Variants in CCDC102B observed in about 807,000 individuals in gnomAD.
The protein encoded by CCDC102B is coiled-coil domain containing 102B.
CCDC102B carries 75 observed loss-of-function variants against 57.4 expected under a neutral mutation model. The observed-to-expected ratio is 1.31, with a 90% confidence interval of 1.08 to 1.58. CCDC102B has a LOEUF of 1.58. Among genes scored for constraint, CCDC102B ranks in the 40% most tolerant of loss-of-function variants. CCDC102B has a pLI of 0.00. For missense variants in CCDC102B, 636 were observed against 582.6 expected (o/e 1.09, Z -0.94); for synonymous variants, 206 against 201.9 (o/e 1.02, Z -0.17).
chr18:68,824,123 T>C (rs1308764463), intron 1 of CCDC102B, among the ~76,000 whole-genome samples: 1 of 152,320 alleles, frequency 6.6e-6, no homozygotes, highest in East Asian at 1.9e-4. Context: ...CGAAAATTAT[T>C]TGCCAAGGCT....
At chr18:68,975,200 T>C (rs17080009) in intron 6 of CCDC102B, among the ~76,000 whole-genome samples, 3,687 of 152,134 alleles carry the variant, frequency 0.024, 120 homozygotes, top group East Asian at 0.15. Flanking sequence ...TCTTAATTTT[T>C]CAGGATTGAT....
chr18:68,769,742 A>G (rs2034580484), intron 2 of CCDC102B, among the ~76,000 whole-genome samples: 1 of 152,204 alleles, frequency 6.6e-6, no homozygotes, highest in Non-Finnish European at 1.5e-5. Flanking sequence ...ATCTGAAAGT[A>G]ATTCTTCTGG....
intron 4 of CCDC102B, among the ~76,000 whole-genome samples, chr18:68,853,672 T>TAAAAAAAA (rs71175201): frequency 0.043 from 4,031 of 93,968 alleles, 522 homozygotes; most frequent in African/African-American, 0.069. Flanking sequence ...CCCCAAATTG[T>TAAAAAAAA]AAAAAAAAAA....
rs1392935401 is a variant in CCDC102B at position 68,755,287 on chromosome 18, A to G, written c.-67+38693A>G. Among the ~76,000 whole-genome samples the G allele has an allele frequency of 3.3e-5, 5 of 152,254 alleles. No individual in the cohort carries two copies. In the East Asian group the frequency reaches 9.7e-4, roughly 29 times the overall value. On this transcript the variant is annotated intron_variant, in intron 2 of 3. Transcript: ENST00000578970. ...CACTAAGCTCCTGGCTGTGGTTTGC[A>G]TGAGGATCTAATTCATCATTATTTA...
chr18:68,942,957 T>C (rs12961679), intron 6 of CCDC102B, among the ~76,000 whole-genome samples: 55,782 of 110,398 alleles, frequency 0.51, 16,286 homozygotes, highest in Non-Finnish European at 0.63. Context: ...TGTTTTGTGT[T>C]CCTGGGTACT....
At chr18:69,056,507 G>A (rs993928207), downstream of CCDC102B, among the ~76,000 whole-genome samples, 4 of 151,916 alleles carry the variant, frequency 2.6e-5, no homozygotes, top group African/African-American at 9.7e-5. Flanking sequence ...GTAGGTTTCT[G>A]CTTGTCTCCT....
chr18:68,910,280 G>GTCTAAATAATAAC (rs1282936125), intron 6 of CCDC102B, among the ~76,000 whole-genome samples: 1 of 152,178 alleles, frequency 6.6e-6, no homozygotes, highest in Non-Finnish European at 1.5e-5. Context: ...GCAACAGAGT[G>GTCTAAATAATAAC]AGACTGTCTA....
intron 2 of CCDC102B, among the ~76,000 whole-genome samples, chr18:68,790,534 C>T (rs1022404798): frequency 4.6e-5 from 7 of 152,136 alleles, no homozygotes; most frequent in African/African-American, 2.4e-5. Context: ...TCTCGTGGTG[C>T]GCCGTTTTTC....
upstream of CCDC102B, among the ~76,000 whole-genome samples, chr18:68,795,635 G>A (rs1417450615): frequency 6.6e-6 from 1 of 152,092 alleles, no homozygotes; most frequent in Admixed American, 6.6e-5. Context: ...TGTGCGTTTT[G>A]TCTAAATTTC....
intron 1 of CCDC102B, among the ~76,000 whole-genome samples, chr18:68,806,884 A>G (rs190686116): frequency 8.6e-4 from 131 of 152,286 alleles, no homozygotes; most frequent in African/African-American, 3.0e-3. Context: ...GAACATCACA[A>G]TTCAGGCGAC....
Position 68,724,037 on chromosome 18 carries a change from G to A in CCDC102B, c.-67+7443G>A, listed in dbSNP as rs149772057. 6.6e-5 allele frequency among the ~76,000 whole-genome samples: 10 copies of A among 152,302 alleles called. No homozygotes were observed. In the East Asian group the frequency reaches 1.9e-3, roughly 29 times the overall value. ...TGCAGGTTCCCAAACCTCAGTTATTGACTTCTGTGCACCCACAGGCTTAAC... is the reference window on the plus strand; with the variant it reads ...TGCAGGTTCCCAAACCTCAGTTATTAACTTCTGTGCACCCACAGGCTTAAC... On this transcript the variant is annotated intron_variant, in intron 2 of 3. Transcript: ENST00000578970.
intron 5 of CCDC102B, among the ~76,000 whole-genome samples, chr18:68,896,247 G>A (rs1019663491): frequency 6.6e-6 from 1 of 152,014 alleles, no homozygotes; most frequent in African/African-American, 2.4e-5. Flanking sequence ...GCACTTAGAT[G>A]TAATAAAACT....
At chr18:68,802,443 G>T (rs2035888734) in intron 1 of CCDC102B, among the ~76,000 whole-genome samples, 1 of 152,160 alleles carries the variant, frequency 6.6e-6, no homozygotes, top group South Asian at 2.1e-4. Context: ...GAATTTACTT[G>T]CTGGCTTTTA....
intron 2 of CCDC102B, among the ~76,000 whole-genome samples, chr18:68,747,016 G>A (rs568139345): frequency 1.3e-5 from 2 of 151,978 alleles, no homozygotes; most frequent in African/African-American, 4.8e-5. Flanking sequence ...GATACAATGT[G>A]TAATGAGCAA....
chr18:68,912,944 T>C (rs1471055008), intron 6 of CCDC102B, among the ~76,000 whole-genome samples: 1 of 152,236 alleles, frequency 6.6e-6, no homozygotes, highest in African/African-American at 2.4e-5. Context: ...AATATTTCCT[T>C]GGAATTTCAG....
chr18:69,055,056 A>T lies in CCDC102B; in HGVS notation c.*919A>T, dbSNP rs990965784. On this transcript the variant is annotated 3_prime_UTR_variant, in exon 8 of 8. Coordinates refer to ENST00000360242, the MANE Select transcript of CCDC102B (RefSeq NM_024781.3). The stretch of plus-strand genomic sequence containing the variant: ...TTATAATTTTCCATACCTATTTTCA[A>T]CTGAAGGCAACTTGTAAGATTTAAC... The T allele has an allele frequency of 1.0e-6, 1 of 983,300 alleles. No individual in the cohort carries two copies. Among genetic ancestry groups the T allele is most frequent in the Non-Finnish European group, 1.2e-6 (1 of 828,006 alleles). The allele number at this position is 983,300 out of a possible 1,614,324, so 60.9% of individuals were successfully genotyped here.
intron 6 of CCDC102B, among the ~76,000 whole-genome samples, chr18:68,911,731 G>A (rs533738017): frequency 4.3e-3 from 382 of 89,830 alleles, no homozygotes; most frequent in Admixed American, 0.01. Context: ...CAGCCTGGGC[G>A]ACAGAGCGAG....
intron 2 of CCDC102B, among the ~76,000 whole-genome samples, chr18:68,738,531 C>T (rs2033245093): frequency 6.6e-6 from 1 of 152,124 alleles, no homozygotes; most frequent in Non-Finnish European, 1.5e-5. Context: ...GGTGGTGTGA[C>T]AGAGCTTCAG....
chr18:68,938,110 CTTA>C (rs1160763717), intron 6 of CCDC102B, among the ~76,000 whole-genome samples: 1 of 151,872 alleles, frequency 6.6e-6, no homozygotes, highest in Non-Finnish European at 1.5e-5. Context: ...CAACTCAGAC[CTTA>C]TTAAGTCAAA....
Sources: allele counts gnomAD v4.1 joint callset (sites outside exome capture counted in the v4.1 genomes callset), GRCh38; gene constraint gnomAD v4.1.1; transcripts MANE v1.5; gene names NCBI Gene and HGNC (gene_info 2026-07-23, HGNC 2026-07-21).